The following CCSER2 variants were observed in gnomAD, a reference collection of about 807,000 sequenced individuals.
CCSER2 encodes the protein serine-rich coiled-coil domain-containing protein 2.
In CCSER2, 46 loss-of-function variants were observed where a neutral mutation model predicts 92.3. That is an observed-to-expected ratio of 0.50 (90% CI 0.39 to 0.64). CCSER2 has a LOEUF of 0.64. Among genes scored for constraint, CCSER2 ranks in the 30% least tolerant of loss-of-function variants. The pLI is 0.00. For synonymous variants in CCSER2, 433 were observed against 431.4 expected (o/e 1.00, Z -0.04); for missense variants, 1,244 against 1,238.9 (o/e 1.00, Z -0.06).
chr10:84,366,324 C>CT (rs1845774732), intron 1 of CCSER2, among the ~76,000 whole-genome samples: 1 of 152,032 alleles, frequency 6.6e-6, no homozygotes, highest in Non-Finnish European at 1.5e-5. Flanking sequence ...CTTTTTTAGT[C>CT]TTTCCTTACT....
chr10:84,503,470 TTCTAC>T (rs1459982504), intron 9 of CCSER2, among the ~76,000 whole-genome samples: 1 of 152,208 alleles, frequency 6.6e-6, no homozygotes, highest in Non-Finnish European at 1.5e-5. Context: ...GGTGTAGTCT[TTCTAC>T]TCTAATTTCC....
At position 84,482,904 on chromosome 10, in the gene CCSER2, G is replaced by A. The variant is rs145747105; in HGVS notation, c.2325+5240G>A. On this transcript the variant is annotated intron_variant, in intron 9 of 9. Transcript: ENST00000372088. ...CTGAATGGGCACAATTCGATCTAAT[G>A]CTAATTTTCTCTCATATTTTTAAGA... Among the ~76,000 whole-genome samples, 360 of 152,198 alleles carry A rather than the reference G, an allele frequency of 2.4e-3. 1 individual carries two copies. Among genetic ancestry groups the A allele is most frequent in the African/African-American group, 8.3e-3 (344 of 41,518 alleles).
In CCSER2 at chr10:84,463,928, G is replaced by A; in HGVS notation, c.2065-5G>A. 6.3e-7 allele frequency: 1 copy of A among 1,595,590 alleles called. No homozygotes were observed. Among genetic ancestry groups the A allele is most frequent in the Non-Finnish European group, 8.6e-7 (1 of 1,164,518 alleles). ...CTAGTGTTTTTCTTCCCTTCTTTCT[G>A]ACAGCATGATGGAAGTGGTTCATTG... On this transcript the variant is annotated splice_region_variant and splice_polypyrimidine_tract_variant and intron_variant, in intron 6 of 9. Transcript: ENST00000372088.
rs767964012 is a variant in CCSER2 at position 84,438,621 on chromosome 10, C to A, written c.1978C>A (p.Leu660Met). 6.2e-6 allele frequency: 10 copies of A among 1,613,402 alleles called. No individual in the cohort carries two copies. In the Admixed American group the frequency reaches 1.3e-4, roughly 22 times the overall value. Residue 660 changes from leucine to methionine, a missense_variant, in exon 6 of 10, where the codon CTG (leucine) becomes ATG (methionine). Physicochemically the swap from Leu to Met is conservative, Grantham distance 15. Transcript: ENST00000372088. ...FVDVPENTVI[L>M]DEMTLRHMVQ... is the part of the protein sequence containing the mutation. ...TGATGTACCAGAAAATACAGTGATA[C>A]TGGATGAGATGACCCTTCGGCACAT...
At chr10:84,512,712 T>C (rs1849427113) in intron 9 of CCSER2, among the ~76,000 whole-genome samples, 1 of 152,206 alleles carries the variant, frequency 6.6e-6, no homozygotes, top group African/African-American at 2.4e-5. Context: ...CTCTGAGCCA[T>C]CATTCAAAAG....
chr10:84,361,173 A>T (rs1189440371), intron 1 of CCSER2, among the ~76,000 whole-genome samples: 1 of 152,218 alleles, frequency 6.6e-6, no homozygotes, highest in African/African-American at 2.4e-5. Flanking sequence ...GTTGAGGCCC[A>T]TGAGGAAGAG....
chr10:84,440,256 G>A (rs1037337790), intron 6 of CCSER2, among the ~76,000 whole-genome samples: 4 of 152,016 alleles, frequency 2.6e-5, no homozygotes, highest in African/African-American at 7.2e-5. Flanking sequence ...TACTACACAC[G>A]GGTAAAATTG....
intron 3 of CCSER2, among the ~76,000 whole-genome samples, chr10:84,394,731 T>A (rs200425216): frequency 1.3e-5 from 2 of 151,800 alleles, no homozygotes. Flanking sequence ...ATTTTTAAAA[T>A]AAGATATAAC....
chr10:84,363,129 G>T (rs1407803358), intron 1 of CCSER2, among the ~76,000 whole-genome samples: 3 of 148,330 alleles, frequency 2.0e-5, no homozygotes, highest in Admixed American at 6.7e-5. Context: ...TTACAGGTGT[G>T]AGCCACCACA....
At chr10:84,470,109 A>T (rs1846697761) in intron 7 of CCSER2, among the ~76,000 whole-genome samples, 1 of 150,426 alleles carries the variant, frequency 6.6e-6, no homozygotes, top group African/African-American at 2.5e-5. Context: ...GAGTGTGGGT[A>T]GAATCAAATG....
intron 9 of CCSER2, among the ~76,000 whole-genome samples, chr10:84,491,688 C>T (rs555165246): frequency 3.9e-5 from 6 of 152,240 alleles, no homozygotes; most frequent in South Asian, 2.1e-4. Context: ...TTGTGCTTCC[C>T]GGGTGAGGGG....
chr10:84,357,540 C>G (rs573264139), intron 1 of CCSER2, among the ~76,000 whole-genome samples: 1 of 146,802 alleles, frequency 6.8e-6, no homozygotes, highest in Admixed American at 6.7e-5. Flanking sequence ...AGCTCTGCCT[C>G]CCGGGCTCAC....
At chr10:84,486,110 A>G (rs542362177) in intron 9 of CCSER2, among the ~76,000 whole-genome samples, 4 of 152,276 alleles carry the variant, frequency 2.6e-5, no homozygotes, top group African/African-American at 9.6e-5. Context: ...TCCATGGTGT[A>G]TATGTGCCAC....
intron 7 of CCSER2, among the ~76,000 whole-genome samples, chr10:84,465,826 CTG>C (rs1846388448): frequency 1.3e-5 from 2 of 151,978 alleles, no homozygotes; most frequent in African/African-American, 4.8e-5. Flanking sequence ...TCTTGGCTCA[CTG>C]CAAGCTCAGC....
chr10:84,347,354 C>T (rs1844549739), intron 1 of CCSER2, among the ~76,000 whole-genome samples: 4 of 150,052 alleles, frequency 2.7e-5, no homozygotes, highest in East Asian at 2.0e-4. Flanking sequence ...AAGGGGCGGC[C>T]GGGCAGAGGT....
intron 5 of CCSER2, among the ~76,000 whole-genome samples, chr10:84,429,731 A>G (rs1843657582): frequency 6.6e-6 from 1 of 151,380 alleles, no homozygotes; most frequent in Admixed American, 6.6e-5. Context: ...TGAGCCTCCT[A>G]GATATACAGA....
intron 5 of CCSER2, among the ~76,000 whole-genome samples, chr10:84,429,586 T>C (rs997239609): frequency 6.6e-6 from 1 of 151,858 alleles, no homozygotes; most frequent in Non-Finnish European, 1.5e-5. Context: ...GTCTTCCACA[T>C]GATGAGTCCC....
rs981286317 is a variant in CCSER2 at position 84,365,412 on chromosome 10, A to T, written c.-39-5602A>T. ...AAGGGAAAATTTCATGAACTTTTAA[A>T]GACAGATGGTAGCTCATCAACGAAT... On this transcript the variant is annotated intron_variant, in intron 1 of 9. Transcript: ENST00000372088. Among the ~76,000 whole-genome samples, 8 of 152,362 alleles carry T rather than the reference A, an allele frequency of 5.3e-5. No individual in the cohort carries two copies. The Middle Eastern group carries it at 0.02, about 389-fold the overall frequency.
intron 3 of CCSER2, among the ~76,000 whole-genome samples, chr10:84,402,189 A>G (rs1395008644): frequency 1.3e-5 from 2 of 152,144 alleles, no homozygotes; most frequent in East Asian, 3.8e-4. Flanking sequence ...CATGTCCACA[A>G]TCTGACCCAT....
Sources: gnomAD v4.1 joint callset for allele counts (sites outside exome capture counted in the v4.1 genomes callset) on GRCh38, gnomAD v4.1.1 for gene constraint, MANE v1.5 for transcripts, NCBI Gene and HGNC (gene_info 2026-07-23, HGNC 2026-07-21) for gene names.